The following FBXL2 variants were observed in gnomAD, a reference collection of about 807,000 sequenced individuals.
The protein encoded by FBXL2 is F-box/LRR-repeat protein 2.
A neutral mutation model predicts 69.2 loss-of-function variants in FBXL2; 38 were observed. The ratio of observed to expected loss-of-function variants is 0.55; its 90% confidence interval spans 0.42 to 0.72. FBXL2 has a LOEUF of 0.72. Ranked by LOEUF, FBXL2 falls within the 30% of genes least tolerant of loss-of-function variation. The probability of loss-of-function intolerance (pLI) is 0.00; values close to 1 mark genes in which losing one functional copy is unlikely to be tolerated. For synonymous variants in FBXL2, 192 were observed against 201.3 expected (o/e 0.95, Z 0.39); for missense variants, 354 against 520.3 (o/e 0.68, Z 3.11).
At chr3:33,374,071 A>G (rs1575387785) in intron 9 of FBXL2, 150 bp downstream of exon 9, 7 of 655,986 alleles carry the variant, frequency 1.1e-5, no homozygotes, top group East Asian at 8.0e-5. Flanking sequence ...TAACCTACCA[A>G]TTTGTCACAA....
chr3:33,365,282 GTT>G lies in FBXL2; in HGVS notation c.290+577_290+578del, dbSNP rs11293564. ...TACTGGATAGCCATTATTTATTGGG[GTT>G]TTTTTTTTTTTTTGAGACCGAGTCT... On this transcript the variant is annotated intron_variant, in intron 5 of 14. Transcript: ENST00000484457. Among the ~76,000 whole-genome samples the G allele has an allele frequency of 1.5e-3, 202 of 137,216 alleles. 1 individual carries two copies. In the East Asian group the frequency reaches 0.028, roughly 19 times the overall value. The allele number at this position is 137,216 out of a possible 152,430, so 90.0% of individuals were successfully genotyped here.
chr3:33,306,586 C>T (rs899516958), intron 2 of FBXL2, among the ~76,000 whole-genome samples: 7 of 152,120 alleles, frequency 4.6e-5, no homozygotes, highest in African/African-American at 1.7e-4. Flanking sequence ...CTTTCTCTTC[C>T]ATACATTTGT....
intron 1 of FBXL2, among the ~76,000 whole-genome samples, chr3:33,280,713 C>CAAAAAAAAAAAAAA (rs34093056): frequency 6.0e-4 from 49 of 81,198 alleles, no homozygotes; most frequent in Non-Finnish European, 8.4e-4. Context: ...GCCCTGTATC[C>CAAAAAAAAAAAAAA]AAAAAAAAAA....
chr3:33,277,422 G>C, upstream of FBXL2: 1 of 1,231,294 alleles, frequency 8.1e-7, no homozygotes, highest in Non-Finnish European at 1.0e-6. Flanking sequence ...CTTGGGGACG[G>C]GGCGGGGCGC....
downstream of FBXL2, chr3:33,390,519 A>AG (rs2043716995): frequency 3.8e-6 from 3 of 786,294 alleles, no homozygotes; most frequent in African/African-American, 1.7e-5. Flanking sequence ...AACTTGCTCT[A>AG]GCTCCTCTTC....
intron 13 of FBXL2, among the ~76,000 whole-genome samples, chr3:33,380,037 C>T (rs1402643400): frequency 1.3e-5 from 2 of 151,436 alleles, no homozygotes; most frequent in Non-Finnish European, 2.9e-5. Context: ...TTGAGACCAT[C>T]CTGGCCAAGA....
At chr3:33,289,711 T>C in intron 1 of FBXL2, 1 of 984,804 alleles carries the variant, frequency 1.0e-6, no homozygotes, top group Non-Finnish European at 1.2e-6. Context: ...CTGCCAACTT[T>C]TCCCATGGGC....
chr3:33,401,482 A>G (rs1322001339), intron 12 of FBXL2, among the ~76,000 whole-genome samples: 1 of 152,192 alleles, frequency 6.6e-6, no homozygotes, highest in Non-Finnish European at 1.5e-5. Context: ...TATATCCAAG[A>G]TTGATGAGGG....
chr3:33,378,464 A>G (rs770958358), intron 12 of FBXL2, among the ~76,000 whole-genome samples: 11 of 152,212 alleles, frequency 7.2e-5, no homozygotes, highest in African/African-American at 1.9e-4. Context: ...CCTTGCCCCA[A>G]GCCTCCTTGG....
At chr3:33,414,421 C>G in the FBXL2 span, among the ~76,000 whole-genome samples, 1 of 151,858 alleles carries the variant, frequency 6.6e-6, no homozygotes, top group Non-Finnish European at 1.5e-5. Flanking sequence ...AACAATAAGA[C>G]TAAAAGAAAA....
chr3:33,354,513 G>GAA (rs879628603), intron 2 of FBXL2, among the ~76,000 whole-genome samples: 5 of 141,658 alleles, frequency 3.5e-5, no homozygotes, highest in African/African-American at 1.3e-4. Context: ...ACTCCATCTG[G>GAA]AAAAAAAAAA....
intron 2 of FBXL2, among the ~76,000 whole-genome samples, chr3:33,302,695 C>T (rs1446114287): frequency 1.3e-5 from 2 of 152,114 alleles, no homozygotes; most frequent in African/African-American, 4.8e-5. Flanking sequence ...ATGTAATTTT[C>T]TTTCCTTTTT....
chr3:33,334,948 T>A (rs1575233720), intron 2 of FBXL2, among the ~76,000 whole-genome samples: 1 of 151,518 alleles, frequency 6.6e-6, no homozygotes, highest in Non-Finnish European at 1.5e-5. Flanking sequence ...CCAAAAAAAA[T>A]ATGTATGTCG....
intron 2 of FBXL2, chr3:33,300,662 G>C (rs1000289332): frequency 6.6e-6 from 1 of 150,968 alleles, no homozygotes; most frequent in Non-Finnish European, 1.5e-5. Context: ...TTTACTTTCA[G>C]ACTTTCCATT....
chr3:33,286,453 G>T (rs2034624358), intron 1 of FBXL2, among the ~76,000 whole-genome samples: 1 of 152,206 alleles, frequency 6.6e-6, no homozygotes, highest in African/African-American at 2.4e-5. Context: ...CCTCTACTGG[G>T]AGATGTCTCC....
intron 5 of FBXL2, among the ~76,000 whole-genome samples, chr3:33,370,978 C>A (rs952572814): frequency 9.9e-5 from 15 of 151,966 alleles, no homozygotes; most frequent in African/African-American, 3.6e-4. Context: ...TGATTCCAAT[C>A]GCATGTATAT....
At chr3:33,375,851 A>G (rs1019651883) in intron 10 of FBXL2, among the ~76,000 whole-genome samples, 1 of 152,134 alleles carries the variant, frequency 6.6e-6, no homozygotes, top group Non-Finnish European at 1.5e-5. Flanking sequence ...GTAGGAAAAA[A>G]AGTTTTTAAC....
Position 33,359,391 on chromosome 3 carries a change from T to A in FBXL2, c.195+34T>A, listed in dbSNP as rs780064475. 4.7e-6 allele frequency: 7 copies of A among 1,491,042 alleles called. No homozygotes were observed. In the Admixed American group the frequency reaches 1.2e-4, roughly 26 times the overall value. 92.4% of individuals were successfully genotyped at this position (1,491,042 alleles called of 1,614,324 possible). Reference sequence around the variant, plus strand: ...GCTTTGGTTTAGACAAAAAACTTTTTAAAAATATGAGTAGCTGTTCCCCCT... The same window carrying A: ...GCTTTGGTTTAGACAAAAAACTTTTAAAAAATATGAGTAGCTGTTCCCCCT... On this transcript the variant is annotated intron_variant, in intron 4 of 14. Coordinates refer to ENST00000484457, the MANE Select transcript of FBXL2 (RefSeq NM_012157.5).
chr3:33,390,480 T>G, downstream of FBXL2: 1 of 1,129,504 alleles, frequency 8.9e-7, no homozygotes, highest in South Asian at 1.4e-5. Context: ...GAGGTTACCT[T>G]TAAATGATTC....
Sources: allele counts gnomAD v4.1 joint callset (sites outside exome capture counted in the v4.1 genomes callset), GRCh38; gene constraint gnomAD v4.1.1; transcripts MANE v1.5; gene names NCBI Gene and HGNC (gene_info 2026-07-23, HGNC 2026-07-21).